The following GSK3B variants were observed in gnomAD, a reference collection of about 807,000 sequenced individuals.
GSK3B encodes the protein glycogen synthase kinase 3 beta.
GSK3B carries 15 observed loss-of-function variants against 56.4 expected under a neutral mutation model. The observed-to-expected ratio is 0.27, with a 90% CI of 0.18 to 0.41. The LOEUF (loss-of-function observed/expected upper bound fraction) is 0.41, where lower values mean the gene tolerates loss of function less well. Ranked by LOEUF, GSK3B falls within the 10% of genes least tolerant of loss-of-function variation. GSK3B has a pLI of 1.00. For synonymous variants in GSK3B, 181 were observed against 188.9 expected (o/e 0.96, Z 0.34); for missense variants, 300 against 513.4 (o/e 0.58, Z 4.02).
At chr3:119,880,221 T>C (rs897279273) in intron 7 of GSK3B, among the ~76,000 whole-genome samples, 3 of 152,364 alleles carry the variant, frequency 2.0e-5, no homozygotes, top group Middle Eastern at 3.4e-3. Flanking sequence ...TGATGATCAA[T>C]GATGTTGAGC....
chr3:119,908,774 G>C (rs1383988185), intron 6 of GSK3B, among the ~76,000 whole-genome samples: 2 of 152,168 alleles, frequency 1.3e-5, no homozygotes, highest in Non-Finnish European at 2.9e-5. Flanking sequence ...ATGTCCCAGA[G>C]GGCAAAACTC....
chr3:120,071,160 T>G (rs944811126), intron 1 of GSK3B, among the ~76,000 whole-genome samples: 1 of 152,190 alleles, frequency 6.6e-6, no homozygotes, highest in African/African-American at 2.4e-5. Context: ...TCGTTTAGAG[T>G]AACTACTGTG....
At chr3:119,983,972 C>A (rs530385001) in intron 2 of GSK3B, among the ~76,000 whole-genome samples, 1 of 152,294 alleles carries the variant, frequency 6.6e-6, no homozygotes, top group South Asian at 2.1e-4. Context: ...CACTCCTCAG[C>A]AAATGTAAAA....
intron 2 of GSK3B, among the ~76,000 whole-genome samples, chr3:120,001,458 G>A (rs2057676333): frequency 1.3e-5 from 2 of 152,086 alleles, no homozygotes; most frequent in African/African-American, 4.8e-5. Flanking sequence ...GCACCTACTC[G>A]CCCTTCACCT....
intron 6 of GSK3B, among the ~76,000 whole-genome samples, chr3:119,909,328 G>C (rs1243935400): frequency 6.6e-6 from 1 of 152,084 alleles, no homozygotes; most frequent in Non-Finnish European, 1.5e-5. Flanking sequence ...TTTTTTGTTT[G>C]TTTTGGTTTT....
At position 120,041,549 on chromosome 3, in the gene GSK3B, C is replaced by T. The variant is rs563393765; in HGVS notation, c.89-39310G>A. On this transcript the variant is annotated intron_variant, in intron 1 of 10. Coordinates refer to ENST00000264235, the MANE Select transcript of GSK3B (RefSeq NM_001146156.2). ...TAGAGTCACTTATATTAAAATATACCACTGGAAAAGTATTACATGTGTATG... is the reference window on the plus strand; with the variant it reads ...TAGAGTCACTTATATTAAAATATACTACTGGAAAAGTATTACATGTGTATG... 11 of 188,292 alleles carry T rather than the reference C, an allele frequency of 5.8e-5. No homozygotes were observed. The South Asian group carries it at 1.0e-3, about 18-fold the overall frequency. 11.7% of individuals were successfully genotyped at this position (188,292 alleles called of 1,614,324 possible).
chr3:120,009,427 C>T (rs1183151271), intron 1 of GSK3B, among the ~76,000 whole-genome samples: 1 of 152,154 alleles, frequency 6.6e-6, no homozygotes, highest in East Asian at 1.9e-4. Context: ...AGAGTTGGAA[C>T]CAACCCAAAT....
intron 7 of GSK3B, among the ~76,000 whole-genome samples, chr3:119,898,293 A>T (rs2056590632): frequency 6.6e-6 from 1 of 152,192 alleles, no homozygotes; most frequent in Admixed American, 6.5e-5. Context: ...CCAGTATTGG[A>T]AAGTCAAAAA....
intron 1 of GSK3B, among the ~76,000 whole-genome samples, chr3:120,058,430 G>T (rs926396328): frequency 2.0e-5 from 3 of 152,118 alleles, no homozygotes; most frequent in Non-Finnish European, 4.4e-5. Context: ...GGGCTCAACA[G>T]CCACATGTCA....
At chr3:120,067,501 T>G (rs993821487) in intron 1 of GSK3B, among the ~76,000 whole-genome samples, 2 of 152,142 alleles carry the variant, frequency 1.3e-5, no homozygotes, top group African/African-American at 4.8e-5. Flanking sequence ...ACATAAAACT[T>G]TATAACAAAG....
At chr3:119,855,775 C>T (rs2056011993) in intron 9 of GSK3B, among the ~76,000 whole-genome samples, 1 of 151,834 alleles carries the variant, frequency 6.6e-6, no homozygotes, top group African/African-American at 2.4e-5. Flanking sequence ...TGGGAATTGA[C>T]CAATGAGAAC....
intron 10 of GSK3B, among the ~76,000 whole-genome samples, chr3:119,827,384 A>AAAGTACCT (rs200773898): frequency 2.0e-5 from 3 of 152,286 alleles, no homozygotes; most frequent in African/African-American, 7.2e-5. Context: ...CTGCAGTACC[A>AAAGTACCT]ATTCACTTAG....
At chr3:120,064,839 A>G (rs1470045791) in intron 1 of GSK3B, among the ~76,000 whole-genome samples, 1 of 152,258 alleles carries the variant, frequency 6.6e-6, no homozygotes, top group African/African-American at 2.4e-5. Flanking sequence ...GCATCCAAAA[A>G]TAAACCCATG....
chr3:119,869,851 C>T (rs1185484278), intron 8 of GSK3B, among the ~76,000 whole-genome samples: 1 of 152,184 alleles, frequency 6.6e-6, no homozygotes. Context: ...TAGATATCAG[C>T]ATTTAACTAT....
At chr3:120,001,117 G>C (rs991268081) in intron 2 of GSK3B, among the ~76,000 whole-genome samples, 1 of 148,792 alleles carries the variant, frequency 6.7e-6, no homozygotes, top group Non-Finnish European at 1.5e-5. Context: ...GTAGAGACGG[G>C]GTAGAGCCTG....
chr3:120,021,615 TG>T lies in GSK3B; in HGVS notation c.89-19377del, dbSNP rs374760096. On this transcript the variant is annotated intron_variant, in intron 1 of 10. Coordinates refer to ENST00000264235, the MANE Select transcript of GSK3B (RefSeq NM_001146156.2). Reference sequence around the variant, plus strand: ...GATTCTGAGGAGTTCAAAACTTCAGTGGAGGAAGTCACTGCAGATGTGGTAG... The same window carrying T: ...GATTCTGAGGAGTTCAAAACTTCAGTGAGGAAGTCACTGCAGATGTGGTAG... 2.2e-3 allele frequency among the ~76,000 whole-genome samples: 339 copies of T among 151,924 alleles called. 2 individuals carry two copies. The highest frequency in any genetic ancestry group is 7.5e-3 in the African/African-American group (312 of 41,422).
chr3:119,990,970 C>T (rs147257659), intron 2 of GSK3B, among the ~76,000 whole-genome samples: 2 of 152,242 alleles, frequency 1.3e-5, no homozygotes, highest in East Asian at 3.9e-4. Context: ...GTAGACTATG[C>T]TCTCCATTCA....
intron 2 of GSK3B, among the ~76,000 whole-genome samples, chr3:119,948,305 C>T (rs1053468956): frequency 3.9e-5 from 6 of 152,054 alleles, no homozygotes; most frequent in African/African-American, 1.2e-4. Flanking sequence ...GATGAGGATG[C>T]GTTGGGACCA....
intron 10 of GSK3B, 67 bp downstream of exon 10, chr3:119,843,188 T>C: frequency 2.1e-6 from 2 of 967,836 alleles, no homozygotes; most frequent in Non-Finnish European, 3.2e-6. Context: ...GTGCTGGGAT[T>C]ACAGGTGTGA....
Sources: gnomAD v4.1 joint callset for allele counts (sites outside exome capture counted in the v4.1 genomes callset) on GRCh38, gnomAD v4.1.1 for gene constraint, MANE v1.5 for transcripts, NCBI Gene and HGNC (gene_info 2026-07-23, HGNC 2026-07-21) for gene names.